Variants in TBX5 observed in about 807,000 individuals in gnomAD.
TBX5 encodes the protein T-box transcription factor 5, also known as T-box transcription factor TBX5.
TBX5 carries 8 observed loss-of-function variants against 51.1 expected under a neutral mutation model. The observed-to-expected ratio is 0.16, with a 90% CI of 0.09 to 0.28. TBX5 has a LOEUF of 0.28. TBX5 is among the 10% of genes least tolerant of loss of function. The probability of loss-of-function intolerance (pLI) is 1.00; values close to 1 mark genes in which losing one functional copy is unlikely to be tolerated. For missense variants in TBX5, 589 were observed against 671.7 expected, an observed-to-expected ratio of 0.88 and a Z score of 1.36; for synonymous variants, 302 against 266.4, an observed-to-expected ratio of 1.13 and a Z score of -1.30.
rs188841300 is a variant in TBX5, at chr12:114,404,608, A to T, written c.-38-672T>A. Among the ~76,000 whole-genome samples, 5 of 152,186 alleles carry T rather than the reference A, an allele frequency of 3.3e-5. No homozygotes were observed. In the East Asian group the frequency reaches 9.7e-4, roughly 29 times the overall value. ...ATTAAACATCCTTTTCTTTATCCCA[A>T]CCTTAAGTAAGATTCGTTAAAAGAT... On this transcript the variant is annotated intron_variant, in intron 1 of 8. Transcript: ENST00000405440.
At chr12:114,393,438 C>A (rs191534094) in intron 6 of TBX5, among the ~76,000 whole-genome samples, 72 of 152,342 alleles carry the variant, frequency 4.7e-4, no homozygotes, top group African/African-American at 1.7e-3. Flanking sequence ...CCCCCAGCAC[C>A]TATTGCTCGC....
At chr12:114,385,372 C>T (rs111479741) in intron 7 of TBX5, 104 bp downstream of exon 7, 36 of 944,636 alleles carry the variant, frequency 3.8e-5, no homozygotes, top group African/African-American at 1.1e-4. Context: ...TGGCATTCTA[C>T]GGGCAGGAAG....
At chr12:114,385,824 T>C (rs1211165870) in intron 6 of TBX5, among the ~76,000 whole-genome samples, 1 of 147,470 alleles carries the variant, frequency 6.8e-6, no homozygotes, top group Non-Finnish European at 1.5e-5. Flanking sequence ...ATACTCTGCA[T>C]CATTCCAGCT....
chr12:114,356,453 G>A (rs543311717), intron 8 of TBX5, among the ~76,000 whole-genome samples: 1 of 152,264 alleles, frequency 6.6e-6, no homozygotes, highest in South Asian at 2.1e-4. Context: ...CAACTAACCA[G>A]GTGCAGTTGT....
chr12:114,377,240 C>T (rs905386157), intron 7 of TBX5, among the ~76,000 whole-genome samples: 1 of 152,148 alleles, frequency 6.6e-6, no homozygotes, highest in Admixed American at 6.5e-5. Flanking sequence ...CATGAGAACA[C>T]AAGAGTGCTA....
intron 7 of TBX5, among the ~76,000 whole-genome samples, chr12:114,369,362 C>T (rs894844626): frequency 3.9e-5 from 6 of 152,170 alleles, no homozygotes; most frequent in South Asian, 2.1e-4. Context: ...GCAATATCAT[C>T]CCAATAACCA....
At chr12:114,380,938 G>C (rs1049378167) in intron 7 of TBX5, among the ~76,000 whole-genome samples, 1 of 151,956 alleles carries the variant, frequency 6.6e-6, no homozygotes, top group Non-Finnish European at 1.5e-5. Flanking sequence ...TTAAGACACA[G>C]ATTGATTAAC....
At chr12:114,360,475 C>T (rs1291012956) in intron 8 of TBX5, among the ~76,000 whole-genome samples, 1 of 106,972 alleles carries the variant, frequency 9.3e-6, no homozygotes, top group Admixed American at 1.0e-4. Flanking sequence ...TGGATGGATG[C>T]ATGGATGGGT....
At chr12:114,391,858 A>G (rs1371600500) in intron 6 of TBX5, among the ~76,000 whole-genome samples, 1 of 152,154 alleles carries the variant, frequency 6.6e-6, no homozygotes, top group African/African-American at 2.4e-5. Context: ...TTGACTGGGA[A>G]AGTGCACAGT....
At chr12:114,383,774 T>G (rs562120344) in intron 7 of TBX5, among the ~76,000 whole-genome samples, 1 of 152,324 alleles carries the variant, frequency 6.6e-6, no homozygotes, top group East Asian at 1.9e-4. Flanking sequence ...TTAAATCTAT[T>G]ATTCACCCCC....
At chr12:114,378,529 G>C (rs1870327387) in intron 7 of TBX5, among the ~76,000 whole-genome samples, 2 of 152,230 alleles carry the variant, frequency 1.3e-5, no homozygotes, top group Admixed American at 1.3e-4. Flanking sequence ...TTCCATGCCT[G>C]CTGAGGCAGT....
At chr12:114,370,858 T>C (rs1230705668) in intron 7 of TBX5, among the ~76,000 whole-genome samples, 1 of 152,076 alleles carries the variant, frequency 6.6e-6, no homozygotes, top group African/African-American at 2.4e-5. Context: ...AGTGGTGACT[T>C]CTGAGATTTT....
chr12:114,399,521 A>G lies in TBX5; in HGVS notation c.354T>C (p.Asp118=), dbSNP rs151249768. Residue 118 remains aspartate, a synonymous_variant, in exon 4 of 9, where the codon GAT becomes GAC. Transcript: ENST00000405440. ...PADDHRYKFA[D]NKWSVTGKAE... is the part of the protein sequence containing the mutation. ...GCCACCCCAGTGCCTACCATTTATT[A>G]TCTGCGAATTTGTATCTGTGATCGT... 5.5e-4 allele frequency: 882 copies of G among 1,613,892 alleles called. 2 individuals are homozygous for G. The highest frequency in any genetic ancestry group is 6.2e-4 in the Non-Finnish European group (727 of 1,180,010).
rs5801051 is a variant in TBX5 at position 114,365,065 on chromosome 12, G to GA, written c.982+1099dup. On this transcript the variant is annotated intron_variant, in intron 8 of 8. Transcript: ENST00000405440. Reference sequence around the variant, plus strand: ...AGCCCCTTTGGACTTGGATGACTTAGAAAAAAAAAAAAGCCATTTATTTCT... The same window carrying GA: ...AGCCCCTTTGGACTTGGATGACTTAGAAAAAAAAAAAAAGCCATTTATTTCT... 1.4e-3 allele frequency among the ~76,000 whole-genome samples: 209 copies of GA among 147,974 alleles called. 2 individuals carry two copies. Among genetic ancestry groups the GA allele is most frequent in the African/African-American group, 4.2e-3 (167 of 40,148 alleles).
rs1026081592 is a variant in TBX5 at position 114,398,508 on chromosome 12, C to T, written c.510+65G>A. On this transcript the variant is annotated intron_variant, in intron 5 of 8. Coordinates refer to ENST00000405440, the MANE Select transcript of TBX5 (RefSeq NM_181486.4). ...ACAGAGCCAAGAAGGGAGAGAAACCCAGTGAGAAGAAGGGAGAGAGGACAA... is the reference window on the plus strand; with the variant it reads ...ACAGAGCCAAGAAGGGAGAGAAACCTAGTGAGAAGAAGGGAGAGAGGACAA... The T allele has an allele frequency of 2.5e-6, 4 of 1,578,228 alleles. No homozygotes were observed. The South Asian group carries it at 4.6e-5, about 18-fold the overall frequency.
At chr12:114,408,140 T>C, upstream of TBX5, 1 of 985,366 alleles carries the variant, frequency 1.0e-6, no homozygotes, top group Non-Finnish European at 1.2e-6. Context: ...CGCTGTCACG[T>C]TTGGCTGGGG....
At position 114,355,234 on chromosome 12, in the gene TBX5, G is replaced by C. The variant is rs1228899016; in HGVS notation, c.*298C>G. Reference sequence around the variant, plus strand: ...AAGAAGGAATGGGGGAAGAGATCTGGGGAGTAGCGTGAATGTGGCTGGTTG... The same window carrying C: ...AAGAAGGAATGGGGGAAGAGATCTGCGGAGTAGCGTGAATGTGGCTGGTTG... On this transcript the variant is annotated 3_prime_UTR_variant, in exon 9 of 9. Coordinates refer to ENST00000405440, the MANE Select transcript of TBX5 (RefSeq NM_181486.4). The C allele has an allele frequency of 4.4e-6, 2 of 459,676 alleles. No homozygotes were observed. Among genetic ancestry groups the C allele is most frequent in the Admixed American group, 3.0e-5 (1 of 33,588 alleles). The allele number at this position is 459,676 out of a possible 1,614,324, so 28.5% of individuals were successfully genotyped here. A position where few individuals can be genotyped will look rare whatever the true frequency, so the allele number is the denominator to read the frequency against.
intron 6 of TBX5, 134 bp from the exon 7 acceptor site, chr12:114,385,701 C>T (rs767664462): frequency 6.2e-5 from 46 of 743,694 alleles, no homozygotes; most frequent in Non-Finnish European, 8.9e-5. Flanking sequence ...AAGCCAGTCA[C>T]GTCAACGGGA....
At chr12:114,366,853 G>C (rs1869567592) in intron 7 of TBX5, among the ~76,000 whole-genome samples, 1 of 152,182 alleles carries the variant, frequency 6.6e-6, no homozygotes, top group Non-Finnish European at 1.5e-5. Flanking sequence ...ACTGGTAGCT[G>C]ACAACCTAGG....
Sources: allele counts gnomAD v4.1 joint callset (sites outside exome capture counted in the v4.1 genomes callset), GRCh38; gene constraint gnomAD v4.1.1; transcripts MANE v1.5; gene names NCBI Gene and HGNC (gene_info 2026-07-23, HGNC 2026-07-21).